NOTCH1: variants seen among roughly 807,000 people sequenced by gnomAD.
The protein encoded by NOTCH1 is notch receptor 1.
A neutral mutation model predicts 254.8 loss-of-function variants in NOTCH1; 37 were observed. The ratio of observed to expected loss-of-function variants is 0.15; its 90% CI spans 0.11 to 0.19. The LOEUF (loss-of-function observed/expected upper bound fraction) is 0.19, where lower values mean the gene tolerates loss of function less well. NOTCH1 is among the 10% of genes least tolerant of loss of function. The pLI, the probability that NOTCH1 is intolerant of heterozygous loss-of-function variation, is 1.00. For missense variants in NOTCH1, 2,972 were observed against 3,708.6 expected (o/e 0.80, Z 5.16); for synonymous variants, 1,731 against 1,618.1 (o/e 1.07, Z -1.68).
Position 136,505,875 on chromosome 9 carries a change from C to G in NOTCH1, c.4021G>C (p.Glu1341Gln), listed in dbSNP as rs372767143. 7 of 1,588,672 alleles carry G rather than the reference C, an allele frequency of 4.4e-6. No individual in the cohort carries two copies. The South Asian group carries it at 7.8e-5, about 18-fold the overall frequency. ...GFICKCPAGF[E>Q]GATCENDART... ...GCGTCATTCTCACACGTGGCGCCCT[C>G]GAAGCCCTGCCCGAGAGGGAAGACA... Residue 1341 changes from glutamate to glutamine, a missense_variant, in exon 25 of 34, where the codon GAG (glutamate) becomes CAG (glutamine). Glu to Gln is a conservative substitution (Grantham distance 29). Transcript: ENST00000651671.
At position 136,513,681 on chromosome 9, in the gene NOTCH1, G is replaced by T; in HGVS notation, c.2208-144C>A. The T allele has an allele frequency of 1.1e-6, 1 of 893,042 alleles. No homozygotes were observed. Among genetic ancestry groups the T allele is most frequent in the Non-Finnish European group, 1.7e-6 (1 of 574,138 alleles). The allele number at this position is 893,042 out of a possible 1,614,324, so 55.3% of individuals were successfully genotyped here. A position where few individuals can be genotyped will look rare whatever the true frequency, so the allele number is the denominator to read the frequency against. ...CAGAGTCCTTTAGTGGGGGCAGGCT[G>T]GGCGCTGTGGCTCACACCTGTAATC... is the stretch of plus-strand genomic sequence containing the variant. On this transcript the variant is annotated intron_variant, in intron 13 of 33. Transcript: ENST00000651671. The surrounding 1 kb of genome is among the most constrained non-coding windows in gnomAD (Gnocchi z 4.7).
rs1843795407 is a variant in NOTCH1 at position 136,545,165 on chromosome 9, T to G, written c.61+561A>C. 6.6e-6 allele frequency among the ~76,000 whole-genome samples: 1 copy of G among 150,660 alleles called. No homozygotes were observed. Among genetic ancestry groups the G allele is most frequent in the East Asian group, 2.0e-4 (1 of 5,066 alleles). On this transcript the variant is annotated intron_variant, in intron 1 of 33. Coordinates refer to ENST00000651671, the MANE Select transcript of NOTCH1 (RefSeq NM_017617.5). This position sits in a 1 kb window ranked among gnomAD's most constrained non-coding sequence, Gnocchi z 6.8. ...TTCTTACGCAACCCCTCCCCCAAAC[T>G]GAGAGCCGGGCTGGGGGGCACCGGC...
At position 136,496,353 on chromosome 9, in the gene NOTCH1, G is replaced by A. The variant is rs369470875; in HGVS notation, c.7386C>T (p.Pro2462=). ...AGGATGGCAGCGACGTGGGCAGGGC[G>A]GGGCTCTCCTGGGGCAGAATAGTGT... ...AVHTILPQES[P]ALPTSLPSSL... is the part of the protein sequence containing the mutation. The change falls in exon 34 of 34, where the codon CCC becomes CCT. Residue 2462 remains proline (P), a synonymous_variant. Coordinates refer to ENST00000651671, the MANE Select transcript of NOTCH1 (RefSeq NM_017617.5). The A allele has an allele frequency of 1.0e-4, 162 of 1,593,270 alleles. No homozygotes were observed. The highest frequency in any genetic ancestry group is 1.3e-4 in the Non-Finnish European group (151 of 1,173,226).
intron 17 of NOTCH1, chr9:136,510,382 C>G (rs1043641810): frequency 1.7e-6 from 1 of 586,476 alleles, no homozygotes; most frequent in African/African-American, 1.9e-5. Context: ...GAGTGCAGGC[C>G]GGGCCCGAGC....
In NOTCH1 at chr9:136,506,029, T is replaced by C. The variant is rs964763751; in HGVS notation, c.4015-148A>G. 2.1e-4 allele frequency: 145 copies of C among 680,340 alleles called. No individual in the cohort carries two copies. In the Middle Eastern group the frequency reaches 4.9e-3, roughly 23 times the overall value. The allele number at this position is 680,340 out of a possible 1,614,324, so 42.1% of individuals were successfully genotyped here. On this transcript the variant is annotated intron_variant, in intron 24 of 33. Transcript: ENST00000651671. The surrounding 1 kb of genome is among the most constrained non-coding windows in gnomAD (Gnocchi z 4.5). ...CCTTGCCCCCAGCAGCAAAACCCTT[T>C]ACACACATTCTACCAACAGAGAAAG...
chr9:136,539,447 G>A (rs866643612), intron 2 of NOTCH1, among the ~76,000 whole-genome samples: 1 of 152,170 alleles, frequency 6.6e-6, no homozygotes, highest in African/African-American at 2.4e-5. Context: ...GGAGTGCAGT[G>A]GCACGATCTC....
chr9:136,522,795 C>CT lies in NOTCH1; in HGVS notation c.742+54dup, dbSNP rs745536827. 15 of 1,431,848 alleles carry CT rather than the reference C, an allele frequency of 1.0e-5. No homozygotes were observed. The South Asian group carries it at 1.5e-4, about 14-fold the overall frequency. 88.7% of individuals were successfully genotyped at this position (1,431,848 alleles called of 1,614,324 possible). Reference sequence around the variant, plus strand: ...ACACCAGGCGCCCCGTTCCCACCCCCTGGGCCTGGCAGCCGGGGAGGGGCT... The same window carrying CT: ...ACACCAGGCGCCCCGTTCCCACCCCCTTGGGCCTGGCAGCCGGGGAGGGGCT... On this transcript the variant is annotated intron_variant, in intron 4 of 33. Coordinates refer to ENST00000651671, the MANE Select transcript of NOTCH1 (RefSeq NM_017617.5).
Position 136,498,892 on chromosome 9 carries a change from C to T in NOTCH1, c.6180+7G>A, listed in dbSNP as rs774782366. ...CGTCTCCCCTGGCATCCCAGCCTCG[C>T]GCTCACCCTGTTGTTCTGCATATCT... is the stretch of plus-strand genomic sequence containing the variant. On this transcript the variant is annotated splice_region_variant and intron_variant, in intron 33 of 33. Transcript: ENST00000651671. The T allele has an allele frequency of 1.2e-5, 20 of 1,613,356 alleles. No homozygotes were observed. The highest frequency in any genetic ancestry group is 8.8e-5 in the South Asian group (8 of 91,084).
At position 136,517,263 on chromosome 9, in the gene NOTCH1, G is replaced by A. The variant is rs764637985; in HGVS notation, c.1555+9C>T. ...CGACCCGGGGGCAGGGGGCGGGGGT[G>A]GCCCTCACCCGTGGGGCACTCGCAC... On this transcript the variant is annotated intron_variant, in intron 9 of 33. Transcript: ENST00000651671. The A allele has an allele frequency of 2.6e-5, 41 of 1,562,842 alleles. No homozygotes were observed. Among genetic ancestry groups the A allele is most frequent in the Non-Finnish European group, 3.3e-5 (38 of 1,143,408 alleles).
intron 18 of NOTCH1, 108 bp from the exon 19 acceptor site, chr9:136,509,179 T>C (rs1843138309): frequency 8.7e-7 from 1 of 1,155,880 alleles, no homozygotes; most frequent in Non-Finnish European, 1.2e-6. Context: ...CCTAGGGGCC[T>C]GATGGCCAGG....
chr9:136,495,777 C>G lies in NOTCH1; in HGVS notation c.*294G>C. On this transcript the variant is annotated 3_prime_UTR_variant, in exon 34 of 34. Transcript: ENST00000651671. ...TTATATTTTATAAACACAGAAGAAT[C>G]TTTTCATCCTACGTAGGAAAACCCT... The G allele has an allele frequency of 2.4e-6, 1 of 419,162 alleles. No homozygotes were observed. Among genetic ancestry groups the G allele is most frequent in the Non-Finnish European group, 4.2e-6 (1 of 236,194 alleles). The allele number at this position is 419,162 out of a possible 1,614,324, so 26.0% of individuals were successfully genotyped here. A position where few individuals can be genotyped will look rare whatever the true frequency, so the allele number is the denominator to read the frequency against.
intron 28 of NOTCH1, 65 bp from the exon 29 acceptor site, chr9:136,502,153 G>A (rs2133330421): frequency 1.2e-6 from 2 of 1,603,108 alleles, no homozygotes; most frequent in Non-Finnish European, 1.7e-6. Flanking sequence ...AGAGACCCCT[G>A]GCCCGGGCCT....
Position 136,507,959 on chromosome 9 carries a change from CAGG to C in NOTCH1, c.3503_3505del (p.Ser1168del). The C allele has an allele frequency of 1.9e-6, 3 of 1,612,646 alleles. No homozygotes were observed. The highest frequency in any genetic ancestry group is 2.5e-6 in the Non-Finnish European group (3 of 1,180,002). ...TACCCTAGGAGGGACCCCCACCTTG[CAGG>C]AGTAGCCGCCCAGGTAGTCCGTGCA... On this transcript the variant is annotated inframe_deletion, in exon 21 of 34. Transcript: ENST00000651671.
intron 16 of NOTCH1, 141 bp from the exon 17 acceptor site, chr9:136,510,946 AT>A: frequency 1.4e-6 from 2 of 1,382,452 alleles, no homozygotes; most frequent in Non-Finnish European, 2.0e-6. Flanking sequence ...CTCTCCCCTA[AT>A]TTTGGCCTAA....
rs1213055049 is a variant in NOTCH1 at position 136,494,741 on chromosome 9, G to A, written c.*1330C>T. ...CTCCCCGAGCTGAGCCAAGTCTGAC[G>A]TCCCTCACTGGCATGACACACAACA... On this transcript the variant is annotated 3_prime_UTR_variant, in exon 34 of 34. Coordinates refer to ENST00000651671, the MANE Select transcript of NOTCH1 (RefSeq NM_017617.5). 2.8e-5 allele frequency: 11 copies of A among 398,562 alleles called. No homozygotes were observed. The highest frequency in any genetic ancestry group is 6.2e-5 in the African/African-American group (3 of 48,618). The allele number at this position is 398,562 out of a possible 1,614,324, so 24.7% of individuals were successfully genotyped here.
At position 136,509,786 on chromosome 9, in the gene NOTCH1, G is replaced by A. The variant is rs754724517; in HGVS notation, c.2916C>T (p.Pro972=). 38 of 1,613,002 alleles carry A rather than the reference G, an allele frequency of 2.4e-5. No individual in the cohort carries two copies. The highest frequency in any genetic ancestry group is 1.6e-4 in the Middle Eastern group (1 of 6,084). ...CACAGTGGATCCCGCTGAAGCCTGC[G>A]GGGCAGGTGCACGTGTAGCTGTCCA... ...DCVDSYTCTC[P]AGFSGIHCEN... The change falls in exon 18 of 34, where the codon CCC becomes CCT. Residue 972 remains proline (P), a synonymous_variant. Transcript: ENST00000651671.
chr9:136,529,549 A>G lies in NOTCH1; in HGVS notation c.141-5570T>C, dbSNP rs115541190. On this transcript the variant is annotated intron_variant, in intron 2 of 33. Coordinates refer to ENST00000651671, the MANE Select transcript of NOTCH1 (RefSeq NM_017617.5). Reference sequence around the variant, plus strand: ...CCCTGGGGGATGGAGGAGGCTTGGGAAGATGCTGGAACCTCGTTGCTCACA... The same window carrying G: ...CCCTGGGGGATGGAGGAGGCTTGGGGAGATGCTGGAACCTCGTTGCTCACA... 7.2e-3 allele frequency among the ~76,000 whole-genome samples: 1,095 copies of G among 152,282 alleles called. 11 individuals carry two copies. Among genetic ancestry groups the G allele is most frequent in the African/African-American group, 0.023 (972 of 41,560 alleles).
Position 136,513,586 on chromosome 9 carries a change from C to T in NOTCH1, c.2208-49G>A, listed in dbSNP as rs2133359008. ...GTCGAGGGAGGCCCGAGCAGCACGG[C>T]CGGGGCCTGGGCACTCCCGGGTCTG... On this transcript the variant is annotated intron_variant, in intron 13 of 33. Coordinates refer to ENST00000651671, the MANE Select transcript of NOTCH1 (RefSeq NM_017617.5). The surrounding 1 kb of genome is among the most constrained non-coding windows in gnomAD (Gnocchi z 4.7). The T allele has an allele frequency of 1.2e-6, 2 of 1,608,460 alleles. No individual in the cohort carries two copies. Among genetic ancestry groups the T allele is most frequent in the Non-Finnish European group, 1.7e-6 (2 of 1,178,048 alleles).
At position 136,505,032 on chromosome 9, in the gene NOTCH1, C is replaced by A; in HGVS notation, c.4659G>T (p.Glu1553Asp). 6.2e-7 allele frequency: 1 copy of A among 1,609,418 alleles called. No homozygotes were observed. The highest frequency in any genetic ancestry group is 8.5e-7 in the Non-Finnish European group (1 of 1,178,926). The change falls in exon 26 of 34, where the codon GAG (glutamate) becomes GAT (aspartate). Residue 1553 changes from glutamate to aspartate, a missense_variant. Physicochemically the swap from Glu to Asp is conservative, Grantham distance 45 (BLOSUM62 2). Coordinates refer to ENST00000651671, the MANE Select transcript of NOTCH1 (RefSeq NM_017617.5). ...GHCDQGCNSA[E>D]CEWDGLDCAE... ...CACAGTCCAGCCCGTCCCACTCGCACTCCGCGCTGTTGCAGCCCTGGTCGC... is the reference window on the plus strand; with the variant it reads ...CACAGTCCAGCCCGTCCCACTCGCAATCCGCGCTGTTGCAGCCCTGGTCGC...
Sources: allele counts gnomAD v4.1 joint callset (sites outside exome capture counted in the v4.1 genomes callset), GRCh38; gene constraint gnomAD v4.1.1; non-coding constraint Gnocchi (gnomAD v3.1); transcripts MANE v1.5; gene names NCBI Gene and HGNC (gene_info 2026-07-23, HGNC 2026-07-21).